TRIM56: variants seen among roughly 807,000 people sequenced by gnomAD.
The protein encoded by TRIM56 is E3 ubiquitin-protein ligase TRIM56.
A neutral mutation model predicts 17.1 loss-of-function variants in TRIM56; 10 were observed. The ratio of observed to expected loss-of-function variants is 0.58; its 90% CI spans 0.36 to 0.99. TRIM56 has a LOEUF of 0.99. TRIM56 is among the 50% of genes least tolerant of loss of function. TRIM56 has a pLI of 0.01. For synonymous variants in TRIM56, 503 were observed against 473.5 expected (o/e 1.06, Z -0.81); for missense variants, 923 against 1,052.3 (o/e 0.88, Z 1.70).
At position 101,089,853 on chromosome 7, in the gene TRIM56, T is replaced by C. The variant is rs188417054; in HGVS notation, c.*273T>C. 2 of 425,214 alleles carry C rather than the reference T, an allele frequency of 4.7e-6. No individual in the cohort carries two copies. Among genetic ancestry groups the C allele is most frequent in the East Asian group, 8.5e-5 (2 of 23,458 alleles). The allele number at this position is 425,214 out of a possible 1,614,324, so 26.3% of individuals were successfully genotyped here. On this transcript the variant is annotated 3_prime_UTR_variant, in exon 3 of 3. Coordinates refer to ENST00000306085, the MANE Select transcript of TRIM56 (RefSeq NM_030961.3). ...CCTCTTGCTTTTTGTGGGTGGCTGC[T>C]GCCACCACCGCCGCTGCTATATAGT...
rs1406073729 is a variant in TRIM56, at chr7:101,095,643, A to G, written c.*6063A>G. On this transcript the variant is annotated 3_prime_UTR_variant, in exon 3 of 3. Coordinates refer to ENST00000306085, the MANE Select transcript of TRIM56 (RefSeq NM_030961.3). ...GAAGATAGTCCCACAGGCGCCCTAG[A>G]GATGGGGATGCCAAGTGGCTTCTCG... The G allele has an allele frequency of 1.3e-5, 2 of 152,188 alleles. No individual in the cohort carries two copies. Among genetic ancestry groups the G allele is most frequent in the African/African-American group, 4.8e-5 (2 of 41,442 alleles). The allele number at this position is 152,188 out of a possible 1,614,324, so 9.4% of individuals were successfully genotyped here.
In TRIM56 at chr7:101,088,853, G is replaced by T. The variant is rs781745104; in HGVS notation, c.1541G>T (p.Cys514Phe). 1 of 1,613,842 alleles carries T rather than the reference G, an allele frequency of 6.2e-7. No homozygotes were observed. The highest frequency in any genetic ancestry group is 8.5e-7 in the Non-Finnish European group (1 of 1,180,020). The part of the protein sequence containing the change: ...DKRSPRITGL[C>F]PFGPREILVA... ...CGGTCCCCCCGGATCACCGGGCTCTGTCCCTTCGGTCCCCGGGAGATCCTG... is the reference window on the plus strand; with the variant it reads ...CGGTCCCCCCGGATCACCGGGCTCTTTCCCTTCGGTCCCCGGGAGATCCTG... Residue 514 changes from cysteine to phenylalanine, a missense_variant, in exon 3 of 3, where the codon TGT becomes TTT. Coordinates refer to ENST00000306085, the MANE Select transcript of TRIM56 (RefSeq NM_030961.3).
rs1795611815 is a variant in TRIM56, at chr7:101,093,432, T to C, written c.*3852T>C. 6.7e-6 allele frequency: 1 copy of C among 149,108 alleles called. No homozygotes were observed. The highest frequency in any genetic ancestry group is 1.5e-5 in the Non-Finnish European group (1 of 67,814). The allele number at this position is 149,108 out of a possible 1,614,324, so 9.2% of individuals were successfully genotyped here. On this transcript the variant is annotated 3_prime_UTR_variant, in exon 3 of 3. Transcript: ENST00000306085. ...AAGCCTTGGTCTCTAATACATGCAA[T>C]GACTAGAACAGTATTTGGTCAAAGA...
At position 101,090,606 on chromosome 7, in the gene TRIM56, GAAAAAAAAAAAA is replaced by G. The variant is rs55729518; in HGVS notation, c.*1038_*1049del. Reference sequence around the variant, plus strand: ...ACCACTGCATTCCAGACCCCATCTCGAAAAAAAAAAAAAAAAAAAAAAACAGAAACAACAGAA... The same window carrying G: ...ACCACTGCATTCCAGACCCCATCTCGAAAAAAAAAAACAGAAACAACAGAA... On this transcript the variant is annotated 3_prime_UTR_variant, in exon 3 of 3. Coordinates refer to ENST00000306085, the MANE Select transcript of TRIM56 (RefSeq NM_030961.3). 1 of 45,416 alleles carries G rather than the reference GAAAAAAAAAAAA, an allele frequency of 2.2e-5. No homozygotes were observed. Among genetic ancestry groups the G allele is most frequent in the Non-Finnish European group, 3.7e-5 (1 of 26,830 alleles). 2.8% of individuals were successfully genotyped at this position (45,416 alleles called of 1,614,324 possible).
rs752394870 is a variant in TRIM56 at position 101,089,464 on chromosome 7, G to C, written c.2152G>C (p.Ala718Pro). Residue 718 changes from alanine to proline, a missense_variant, in exon 3 of 3, where the codon GCC becomes CCC. By Grantham distance (27) the Ala-to-Pro change is conservative. Coordinates refer to ENST00000306085, the MANE Select transcript of TRIM56 (RefSeq NM_030961.3). ...KGSLLGDFLT[A>P]YHGLEKPRVT... ...GTCCCTCCTTGGAGACTTCCTGACA[G>C]CCTACCACGGCCTGGAAAAGCCCCG... 1.7e-5 allele frequency: 27 copies of C among 1,614,252 alleles called. No homozygotes were observed. The highest frequency in any genetic ancestry group is 2.0e-5 in the Non-Finnish European group (24 of 1,180,038).
rs201784896 is a variant in TRIM56, at chr7:101,088,941, C to G, written c.1629C>G (p.Thr543=). ...RFSLNGDYKG[T]VPVPEGCSPC... is the part of the protein sequence containing the mutation. ...CCCTCAACGGCGACTACAAGGGCAC[C>G]GTGCCGGTCCCTGAGGGCTGCTCCC... Residue 543 remains threonine, a synonymous_variant, in exon 3 of 3, where the codon ACC becomes ACG. Coordinates refer to ENST00000306085, the MANE Select transcript of TRIM56 (RefSeq NM_030961.3). 9 of 1,613,494 alleles carry G rather than the reference C, an allele frequency of 5.6e-6. No homozygotes were observed. Among genetic ancestry groups the G allele is most frequent in the Non-Finnish European group, 7.6e-6 (9 of 1,180,026 alleles).
At position 101,091,595 on chromosome 7, in the gene TRIM56, C is replaced by T. The variant is rs572010394; in HGVS notation, c.*2015C>T. 17 of 367,582 alleles carry T rather than the reference C, an allele frequency of 4.6e-5. No individual in the cohort carries two copies. In the East Asian group the frequency reaches 1.3e-3, roughly 28 times the overall value. 22.8% of individuals were successfully genotyped at this position (367,582 alleles called of 1,614,324 possible). ...TACAAAAATTAGCTAGGCGTGGGAGCGGGCGTCTGTAATCCCAGCTACTTG... is the reference window on the plus strand; with the variant it reads ...TACAAAAATTAGCTAGGCGTGGGAGTGGGCGTCTGTAATCCCAGCTACTTG... On this transcript the variant is annotated 3_prime_UTR_variant, in exon 3 of 3. Coordinates refer to ENST00000306085, the MANE Select transcript of TRIM56 (RefSeq NM_030961.3).
rs771650659 is a variant in TRIM56, at chr7:101,087,509, C to T, written c.197C>T (p.Pro66Leu). 38 of 1,613,276 alleles carry T rather than the reference C, an allele frequency of 2.4e-5. No homozygotes were observed. Among genetic ancestry groups the T allele is most frequent in the African/African-American group, 4.0e-5 (3 of 74,920 alleles). The part of the protein sequence containing the change: ...CPECRETVPV[P>L]PEGVASFKTN... Reference sequence around the variant, plus strand: ...GAGTGCCGCGAGACAGTGCCTGTGCCGCCCGAGGGTGTGGCCTCCTTCAAG... The same window carrying T: ...GAGTGCCGCGAGACAGTGCCTGTGCTGCCCGAGGGTGTGGCCTCCTTCAAG... Residue 66 changes from proline to leucine, a missense_variant, in exon 3 of 3, where the codon CCG becomes CTG. Around this residue, in one of 3 missense-constraint regions of TRIM56, gnomAD observed 98 missense variants for 143.6 expected, o/e 0.68. Transcript: ENST00000306085.
Position 101,093,532 on chromosome 7 carries a change from A to C in TRIM56, c.*3952A>C, listed in dbSNP as rs1185864658. ...TAAAATAAAAAATAATAATAATTAA[A>C]AAAAAAAAAAAGAAAGGCTGGACGC... On this transcript the variant is annotated 3_prime_UTR_variant, in exon 3 of 3. Coordinates refer to ENST00000306085, the MANE Select transcript of TRIM56 (RefSeq NM_030961.3). The C allele has an allele frequency of 2.7e-5, 4 of 150,648 alleles. No homozygotes were observed. Among genetic ancestry groups the C allele is most frequent in the Non-Finnish European group, 5.9e-5 (4 of 67,682 alleles). The allele number at this position is 150,648 out of a possible 1,614,324, so 9.3% of individuals were successfully genotyped here.
In TRIM56 at chr7:101,089,153, A is replaced by G. The variant is rs778335882; in HGVS notation, c.1841A>G (p.Tyr614Cys). ...AVSVAGHVEV[Y>C]NMEGSLATRF... ...AGCGTGGCGGGCCACGTGGAGGTGTACAATATGGAAGGCAGCCTGGCCACC... is the reference window on the plus strand; with the variant it reads ...AGCGTGGCGGGCCACGTGGAGGTGTGCAATATGGAAGGCAGCCTGGCCACC... Residue 614 changes from tyrosine to cysteine, a missense_variant, in exon 3 of 3, where the codon TAC (tyrosine) becomes TGC (cysteine). Coordinates refer to ENST00000306085, the MANE Select transcript of TRIM56 (RefSeq NM_030961.3). The G allele has an allele frequency of 2.5e-6, 4 of 1,610,734 alleles. No individual in the cohort carries two copies. In the African/African-American group the frequency reaches 5.3e-5, roughly 21 times the overall value.
Position 101,088,261 on chromosome 7 carries a change from C to A in TRIM56, c.949C>A (p.Arg317=). 6.7e-7 allele frequency: 1 copy of A among 1,494,042 alleles called. No homozygotes were observed. The highest frequency in any genetic ancestry group is 8.9e-7 in the Non-Finnish European group (1 of 1,128,038). 92.5% of individuals were successfully genotyped at this position (1,494,042 alleles called of 1,614,324 possible). The change falls in exon 3 of 3, where the codon CGA becomes AGA. Residue 317 remains arginine (R), a synonymous_variant. Transcript: ENST00000306085. The part of the protein sequence containing the change: ...AFARRVLSLG[R]EAEILSLEGA... ...CGCCCGCCGGGTACTCAGCCTGGGG[C>A]GAGAGGCCGAGATCCTCTCCCTGGA...
rs1387011427 is a variant in TRIM56, at chr7:101,087,834, G to A, written c.522G>A (p.Gly174=). ...CGGCCCAGTGTCCCCAGCACCCCGG[G>A]GAGGCACTGCGCTTCCTGTGCCAGC... ...RQAAQCPQHP[G]EALRFLCQPC... Residue 174 remains glycine, a synonymous_variant, in exon 3 of 3, where the codon GGG becomes GGA. Transcript: ENST00000306085. 1 of 1,604,392 alleles carries A rather than the reference G, an allele frequency of 6.2e-7. No homozygotes were observed. The highest frequency in any genetic ancestry group is 8.5e-7 in the Non-Finnish European group (1 of 1,176,678).
Position 101,089,514 on chromosome 7 carries a change from G to A in TRIM56, c.2202G>A (p.Arg734=). Residue 734 remains arginine (R), a synonymous_variant, in exon 3 of 3, where the codon AGG becomes AGA. Coordinates refer to ENST00000306085, the MANE Select transcript of TRIM56 (RefSeq NM_030961.3). ...KPRVTTMVDG[R]YLVVSLSNGT... Reference sequence around the variant, plus strand: ...GGGTTACCACCATGGTGGATGGCAGGTACCTGGTCGTGTCCCTCAGTAACG... The same window carrying A: ...GGGTTACCACCATGGTGGATGGCAGATACCTGGTCGTGTCCCTCAGTAACG... 1 of 1,614,234 alleles carries A rather than the reference G, an allele frequency of 6.2e-7. No individual in the cohort carries two copies. Among genetic ancestry groups the A allele is most frequent in the South Asian group, 1.1e-5 (1 of 91,090 alleles).
Position 101,089,463 on chromosome 7 carries a change from A to C in TRIM56, c.2151A>C (p.Thr717=), listed in dbSNP as rs781051893. 1.3e-5 allele frequency: 21 copies of C among 1,614,114 alleles called. No individual in the cohort carries two copies. Among genetic ancestry groups the C allele is most frequent in the Non-Finnish European group, 1.8e-5 (21 of 1,180,038 alleles). The part of the protein sequence containing the change: ...PKGSLLGDFL[T]AYHGLEKPRV... ...GGTCCCTCCTTGGAGACTTCCTGAC[A>C]GCCTACCACGGCCTGGAAAAGCCCC... The change falls in exon 3 of 3, where the codon ACA becomes ACC. Residue 717 remains threonine, a synonymous_variant. Coordinates refer to ENST00000306085, the MANE Select transcript of TRIM56 (RefSeq NM_030961.3).
At position 101,087,514 on chromosome 7, in the gene TRIM56, G is replaced by C. The variant is rs745831716; in HGVS notation, c.202G>C (p.Glu68Gln). 9.3e-6 allele frequency: 15 copies of C among 1,613,402 alleles called. No homozygotes were observed. In the South Asian group the frequency reaches 1.5e-4, roughly 17 times the overall value. The change falls in exon 3 of 3, where the codon GAG becomes CAG. Residue 68 changes from glutamate (E) to glutamine (Q), a missense_variant. By Grantham distance (29) the Glu-to-Gln change is conservative (BLOSUM62 2). Transcript: ENST00000306085. ...CCGCGAGACAGTGCCTGTGCCGCCCGAGGGTGTGGCCTCCTTCAAGACCAA... is the reference window on the plus strand; with the variant it reads ...CCGCGAGACAGTGCCTGTGCCGCCCCAGGGTGTGGCCTCCTTCAAGACCAA... ...ECRETVPVPPEGVASFKTNFF... is the reference protein window; with the variant it reads ...ECRETVPVPPQGVASFKTNFF...
rs1562838453 is a variant in TRIM56, at chr7:101,089,116, CGCGTGGCTGTCA to C, written c.1812_1823del (p.Val605_Ala608del). 5.0e-6 allele frequency: 8 copies of C among 1,605,166 alleles called. No individual in the cohort carries two copies. Among genetic ancestry groups the C allele is most frequent in the East Asian group, 2.2e-5 (1 of 44,770 alleles). ...GGTGGCGGCACTGCCTAGCGGGGAC[CGCGTGGCTGTCA>C]GCGTGGCGGGCCACGTGGAGGTGTA... On this transcript the variant is annotated inframe_deletion, in exon 3 of 3. Transcript: ENST00000306085.
chr7:101,096,531 C>T lies in TRIM56; in HGVS notation c.*6951C>T, dbSNP rs1365007165. The T allele has an allele frequency of 1.3e-5, 2 of 152,194 alleles. No homozygotes were observed. The highest frequency in any genetic ancestry group is 2.4e-5 in the African/African-American group (1 of 41,442). 9.4% of individuals were successfully genotyped at this position (152,194 alleles called of 1,614,324 possible). A position where few individuals can be genotyped will look rare whatever the true frequency, so the allele number is the denominator to read the frequency against. Reference sequence around the variant, plus strand: ...CCTCTCTGAGCCTCAGTTTGTACATCAGTAACATTGGGATAATGACATCCA... The same window carrying T: ...CCTCTCTGAGCCTCAGTTTGTACATTAGTAACATTGGGATAATGACATCCA... On this transcript the variant is annotated 3_prime_UTR_variant, in exon 3 of 3. Coordinates refer to ENST00000306085, the MANE Select transcript of TRIM56 (RefSeq NM_030961.3).
chr7:101,089,768 C>T lies in TRIM56; in HGVS notation c.*188C>T, dbSNP rs1795532081. ...AATAGGGACCAAGGTGGTGGCGTGA[C>T]CTTAACTCTCAGAAGCAGAGGAGGC... On this transcript the variant is annotated 3_prime_UTR_variant, in exon 3 of 3. Coordinates refer to ENST00000306085, the MANE Select transcript of TRIM56 (RefSeq NM_030961.3). The T allele has an allele frequency of 3.5e-6, 2 of 567,042 alleles. No homozygotes were observed. The highest frequency in any genetic ancestry group is 5.6e-5 in the South Asian group (2 of 36,020). 35.1% of individuals were successfully genotyped at this position (567,042 alleles called of 1,614,324 possible).
In TRIM56 at chr7:101,095,570, G is replaced by A. The variant is rs1795642768; in HGVS notation, c.*5990G>A. 6.6e-6 allele frequency: 1 copy of A among 152,158 alleles called. No homozygotes were observed. The highest frequency in any genetic ancestry group is 2.1e-4 in the South Asian group (1 of 4,826). 9.4% of individuals were successfully genotyped at this position (152,158 alleles called of 1,614,324 possible). A position where few individuals can be genotyped will look rare whatever the true frequency, so the allele number is the denominator to read the frequency against. On this transcript the variant is annotated 3_prime_UTR_variant, in exon 3 of 3. Coordinates refer to ENST00000306085, the MANE Select transcript of TRIM56 (RefSeq NM_030961.3). The stretch of plus-strand genomic sequence containing the variant: ...ATTCTAGCCACGTGGCCCACCCAGG[G>A]GGCAAAACAATAGAAACCTTCAGAA...
Sources: gnomAD v4.1 joint callset for allele counts on GRCh38, gnomAD v4.1.1 for gene constraint, gnomAD v4.1.1 regional missense constraint, MANE v1.5 for transcripts, NCBI Gene and HGNC (gene_info 2026-07-23, HGNC 2026-07-21) for gene names.